ATP8B4: variants seen among roughly 807,000 people sequenced by gnomAD.
ATP8B4 encodes the protein ATPase phospholipid transporting 8B4 (putative).
ATP8B4 carries 133 observed loss-of-function variants against 145.6 expected under a neutral mutation model. The ratio of observed to expected loss-of-function variants is 0.91; its 90% CI spans 0.79 to 1.05. The LOEUF is 1.05. Ranked by LOEUF, ATP8B4 falls within the 50% of genes least tolerant of loss-of-function variation. The pLI is 0.00. For synonymous variants in ATP8B4, 507 were observed against 492.9 expected, an observed-to-expected ratio of 1.03 and a Z score of -0.38; for missense variants, 1,458 against 1,425.2, an observed-to-expected ratio of 1.02 and a Z score of -0.37.
chr15:50,131,175 A>ATGGTGGAT (rs2057343472), intron 1 of ATP8B4, among the ~76,000 whole-genome samples: 2 of 152,194 alleles, frequency 1.3e-5, no homozygotes, highest in South Asian at 2.1e-4. Flanking sequence ...TCTCCTTGAC[A>ATGGTGGAT]CATGGGGATT....
intron 2 of ATP8B4, among the ~76,000 whole-genome samples, chr15:50,090,271 A>C (rs1024698594): frequency 1.1e-4 from 16 of 152,176 alleles, no homozygotes; most frequent in Non-Finnish European, 2.1e-4. Flanking sequence ...GCTGGGCTTA[A>C]TTCCTAGGTG....
chr15:50,047,038 G>C (rs1043560077), intron 4 of ATP8B4, among the ~76,000 whole-genome samples: 5 of 152,174 alleles, frequency 3.3e-5, no homozygotes, highest in Admixed American at 1.3e-4. Context: ...TCCCCACACT[G>C]TAGATGTGAA....
chr15:50,011,696 G>C (rs1469624648), intron 6 of ATP8B4, among the ~76,000 whole-genome samples: 2 of 152,274 alleles, frequency 1.3e-5, no homozygotes, highest in South Asian at 4.1e-4. Flanking sequence ...CCCTCTGGAT[G>C]CAGACCACCT....
intron 14 of ATP8B4, among the ~76,000 whole-genome samples, chr15:49,957,622 A>G (rs2043691846): frequency 6.6e-6 from 1 of 152,090 alleles, no homozygotes; most frequent in African/African-American, 2.4e-5. Context: ...AAAATACTCA[A>G]GAATAATGAT....
At chr15:49,993,507 T>C (rs886775609) in intron 9 of ATP8B4, among the ~76,000 whole-genome samples, 23 of 152,262 alleles carry the variant, frequency 1.5e-4, no homozygotes, top group Middle Eastern at 3.4e-3. Context: ...GCTTATTAAC[T>C]GTCCTAACTC....
In ATP8B4 at chr15:49,962,037, T is replaced by G. The variant is rs762664422; in HGVS notation, c.1244-17A>C. 1 of 1,583,662 alleles carries G rather than the reference T, an allele frequency of 6.3e-7. No individual in the cohort carries two copies. Among genetic ancestry groups the G allele is most frequent in the Admixed American group, 1.9e-5 (1 of 52,308 alleles). ...GTACTTCACCTGACAAAACAAAAAT[T>G]GAGAATTAAAAGTAAGTGAAACCGA... On this transcript the variant is annotated splice_polypyrimidine_tract_variant and intron_variant, in intron 13 of 27. Coordinates refer to ENST00000284509, the MANE Select transcript of ATP8B4 (RefSeq NM_024837.4).
chr15:49,869,723 G>A (rs1041851447), intron 25 of ATP8B4, among the ~76,000 whole-genome samples: 2 of 152,250 alleles, frequency 1.3e-5, no homozygotes, highest in Admixed American at 6.5e-5. Flanking sequence ...AGTCTATGGC[G>A]AACCTTTTGG....
At chr15:49,959,405 T>C (rs2043865208) in intron 14 of ATP8B4, among the ~76,000 whole-genome samples, 3 of 151,948 alleles carry the variant, frequency 2.0e-5, no homozygotes, top group African/African-American at 4.8e-5. Context: ...TGCACTAATG[T>C]CAGAAATGAA....
intron 8 of ATP8B4, among the ~76,000 whole-genome samples, 199 bp downstream of exon 8, chr15:50,001,954 G>T (rs995671145): frequency 1.3e-5 from 2 of 151,984 alleles, no homozygotes; most frequent in Admixed American, 6.6e-5. Flanking sequence ...TATAAGTTTC[G>T]CTCACTGTTT....
chr15:49,919,719 G>T (rs1361195186), intron 18 of ATP8B4, among the ~76,000 whole-genome samples: 1 of 152,018 alleles, frequency 6.6e-6, no homozygotes, highest in Admixed American at 6.6e-5. Flanking sequence ...GCCCGGCCAC[G>T]ATTTTTCATC....
chr15:49,990,857 T>A (rs1567156375), intron 9 of ATP8B4, among the ~76,000 whole-genome samples: 1 of 152,278 alleles, frequency 6.6e-6, no homozygotes, highest in Admixed American at 6.5e-5. Context: ...GTTCAAGAAT[T>A]TCTCTAGCCA....
intron 3 of ATP8B4, among the ~76,000 whole-genome samples, chr15:50,065,544 A>G (rs2053324474): frequency 1.3e-5 from 2 of 152,164 alleles, no homozygotes. Context: ...CAGTTGATTT[A>G]TGGATTATTT....
rs1318845380 is a variant in ATP8B4 at position 49,972,801 on chromosome 15, T to C, written c.1035-11A>G. On this transcript the variant is annotated splice_polypyrimidine_tract_variant and intron_variant, in intron 12 of 27. Transcript: ENST00000284509. ...CGAATTACTTCCACACTATCATCCA[T>C]TAAAATGGAAAAAAAGAAAGAAATG... is the stretch of plus-strand genomic sequence containing the variant. 7 of 1,604,344 alleles carry C rather than the reference T, an allele frequency of 4.4e-6. No individual in the cohort carries two copies. Among genetic ancestry groups the C allele is most frequent in the Admixed American group, 3.5e-5 (2 of 57,528 alleles).
intron 23 of ATP8B4, among the ~76,000 whole-genome samples, chr15:49,881,129 AAAC>A (rs1377791228): frequency 1.3e-5 from 2 of 151,930 alleles, no homozygotes; most frequent in African/African-American, 2.4e-5. Context: ...ACAAACAAAC[AAAC>A]AAAAAAAAGC....
intron 23 of ATP8B4, among the ~76,000 whole-genome samples, chr15:49,881,243 A>G (rs980864965): frequency 1.3e-5 from 2 of 152,246 alleles, no homozygotes; most frequent in Non-Finnish European, 2.9e-5. Flanking sequence ...CATACTCACC[A>G]TTATATAGTA....
At chr15:50,156,166 G>GTTTGT (rs141463332) in intron 1 of ATP8B4, among the ~76,000 whole-genome samples, 1 of 120,886 alleles carries the variant, frequency 8.3e-6, no homozygotes, top group African/African-American at 2.8e-5. Context: ...TTGTTTGCTG[G>GTTTGT]TTTAACTAGT....
At chr15:50,095,504 G>C (rs1434905776) in intron 2 of ATP8B4, among the ~76,000 whole-genome samples, 1 of 152,148 alleles carries the variant, frequency 6.6e-6, no homozygotes, top group South Asian at 2.1e-4. Flanking sequence ...ACCTGTAATT[G>C]TTAACACTTT....
intron 1 of ATP8B4, among the ~76,000 whole-genome samples, chr15:50,173,753 T>G (rs1383234104): frequency 6.6e-6 from 1 of 151,616 alleles, no homozygotes; most frequent in Non-Finnish European, 1.5e-5. Context: ...TTAACACTAT[T>G]CCACAATATA....
chr15:50,176,303 T>C (rs1219445313), intron 1 of ATP8B4, among the ~76,000 whole-genome samples: 1 of 152,100 alleles, frequency 6.6e-6, no homozygotes, highest in South Asian at 2.1e-4. Context: ...CTCACTGACA[T>C]GTGGGAGCTA....
Sources: allele counts gnomAD v4.1 joint callset (sites outside exome capture counted in the v4.1 genomes callset), GRCh38; gene constraint gnomAD v4.1.1; transcripts MANE v1.5; gene names NCBI Gene and HGNC (gene_info 2026-07-23, HGNC 2026-07-21).